The following DDX42 variants were observed in gnomAD, a reference collection of about 807,000 sequenced individuals.
The protein encoded by DDX42 is DEAD-box helicase 42.
In DDX42, 22 loss-of-function variants were observed where a neutral mutation model predicts 101.5. The ratio of observed to expected loss-of-function variants is 0.22; its 90% confidence interval spans 0.15 to 0.31. DDX42 has a LOEUF of 0.31. DDX42 is among the 10% of genes least tolerant of loss of function. The pLI is 1.00. For synonymous variants in DDX42, 402 were observed against 401.2 expected (o/e 1.00, Z -0.02); for missense variants, 849 against 1,199.9 (o/e 0.71, Z 4.32).
intron 16 of DDX42, 66 bp from the exon 17 acceptor site, chr17:63,816,802 C>T (rs2039981635): frequency 7.7e-7 from 1 of 1,294,664 alleles, no homozygotes; most frequent in Admixed American, 2.2e-5. Flanking sequence ...CATAATGAGG[C>T]CTAGTCTATA....
At chr17:63,781,506 C>T (rs1228425736) in intron 1 of DDX42, among the ~76,000 whole-genome samples, 2 of 152,204 alleles carry the variant, frequency 1.3e-5, no homozygotes, top group African/African-American at 2.4e-5. Context: ...CGTGAGCCAC[C>T]GTGCCTGGCA....
At chr17:63,808,978 T>C (rs750949486) in intron 10 of DDX42, 30 bp downstream of exon 10, 2 of 1,606,004 alleles carry the variant, frequency 1.2e-6, no homozygotes, top group Non-Finnish European at 1.7e-6. Flanking sequence ...AAATGGCTTC[T>C]CAGCCTCCCT....
At chr17:63,789,322 A>G (rs1222377264) in intron 2 of DDX42, among the ~76,000 whole-genome samples, 4 of 150,744 alleles carry the variant, frequency 2.7e-5, no homozygotes, top group Non-Finnish European at 5.9e-5. Flanking sequence ...CAGGTGATCC[A>G]CCCGCCTCAG....
In DDX42 at chr17:63,809,733, G is replaced by GT. The variant is rs951710528; in HGVS notation, c.1252+80dup. 90 of 1,241,940 alleles carry GT rather than the reference G, an allele frequency of 7.2e-5. 1 individual carries two copies. In the South Asian group the frequency reaches 8.7e-4, roughly 12 times the overall value. The allele number at this position is 1,241,940 out of a possible 1,614,324, so 76.9% of individuals were successfully genotyped here. A position where few individuals can be genotyped will look rare whatever the true frequency, so the allele number is the denominator to read the frequency against. On this transcript the variant is annotated intron_variant, in intron 11 of 17. Coordinates refer to ENST00000389924, the MANE Select transcript of DDX42 (RefSeq NM_203499.3). The stretch of plus-strand genomic sequence containing the variant: ...TTTTTTTTCCATGTCTTTCTAGACT[G>GT]TTTTTTCAGCATGAGAGAAGCTAAA...
chr17:63,817,844 C>A lies in DDX42; in HGVS notation c.2263C>A (p.Pro755Thr). ...AQQGHNSPDS[P>T]VTSAAKGIPG... ...ACAGGGCCATAACAGTCCTGACAGC[C>A]CCGTCACCAGTGCCGCCAAGGGCAT... is the stretch of plus-strand genomic sequence containing the variant. Residue 755 changes from proline to threonine, a missense_variant, in exon 18 of 18, where the codon CCC (proline) becomes ACC (threonine). Pro to Thr is a conservative substitution (Grantham distance 38, BLOSUM62 -1). This residue lies in a region of DDX42 where 300 missense variants were observed against 304.9 expected (regional missense o/e 0.98). Transcript: ENST00000389924. 1.2e-6 allele frequency: 2 copies of A among 1,614,154 alleles called. No individual in the cohort carries two copies.
At chr17:63,811,739 T>A (rs2039912685) in intron 13 of DDX42, 193 bp from the exon 14 acceptor site, 1 of 695,158 alleles carries the variant, frequency 1.4e-6, no homozygotes, top group Non-Finnish European at 2.5e-6. Context: ...ATTAGGTATG[T>A]ACACCAGGTG....
At chr17:63,810,871 C>T (rs1386362628) in intron 12 of DDX42, among the ~76,000 whole-genome samples, 1 of 152,102 alleles carries the variant, frequency 6.6e-6, no homozygotes, top group Non-Finnish European at 1.5e-5. Context: ...TTTTCTGAAC[C>T]ATACTGACAA....
chr17:63,809,429 G>GTGGC, intron 10 of DDX42, 131 bp from the exon 11 acceptor site: 1 of 668,522 alleles, frequency 1.5e-6, no homozygotes, highest in Non-Finnish European at 2.6e-6. Context: ...CATAAGGTAT[G>GTGGC]TGGCTGTTGG....
intron 11 of DDX42, 86 bp from the exon 12 acceptor site, chr17:63,810,427 A>T (rs2039895946): frequency 1.4e-6 from 2 of 1,404,840 alleles, no homozygotes; most frequent in Non-Finnish European, 2.0e-6. Context: ...ACAACTTCTT[A>T]TGAAGACTTT....
At chr17:63,786,581 T>C (rs1475394681) in intron 1 of DDX42, among the ~76,000 whole-genome samples, 1 of 152,210 alleles carries the variant, frequency 6.6e-6, no homozygotes, top group East Asian at 1.9e-4. Flanking sequence ...TGGGCCACTC[T>C]CCTGACTACA....
chr17:63,806,775 G>T (rs1598338818), intron 8 of DDX42, 121 bp downstream of exon 8: 2 of 1,090,672 alleles, frequency 1.8e-6, no homozygotes, highest in Non-Finnish European at 1.2e-6. Context: ...TAAGGATAGA[G>T]GTATTTATCA....
intron 3 of DDX42, among the ~76,000 whole-genome samples, chr17:63,796,115 C>T (rs1417471894): frequency 1.3e-5 from 2 of 152,132 alleles, no homozygotes; most frequent in Admixed American, 6.5e-5. Flanking sequence ...TCTTGAGATA[C>T]GAACATTTCC....
At chr17:63,802,747 C>G (rs1324094499) in intron 6 of DDX42, among the ~76,000 whole-genome samples, 1 of 151,824 alleles carries the variant, frequency 6.6e-6, no homozygotes, top group Admixed American at 6.6e-5. Flanking sequence ...CCCATCTCTA[C>G]TAAAAATACA....
chr17:63,803,428 A>G (rs1022304183), intron 6 of DDX42, among the ~76,000 whole-genome samples: 2 of 151,546 alleles, frequency 1.3e-5, no homozygotes, highest in Non-Finnish European at 2.9e-5. Flanking sequence ...CGTCTTTGGG[A>G]TTGGTGGCAG....
chr17:63,809,433 C>T, intron 10 of DDX42, 127 bp from the exon 11 acceptor site: 4 of 684,174 alleles, frequency 5.8e-6, no homozygotes, highest in Non-Finnish European at 1.0e-5. Context: ...AGGTATGTGG[C>T]TGTTGGACCA....
chr17:63,814,798 T>G (rs1012087833), intron 15 of DDX42, among the ~76,000 whole-genome samples: 12 of 149,038 alleles, frequency 8.1e-5, no homozygotes, highest in Middle Eastern at 3.4e-3. Context: ...CAAACAGTTC[T>G]CCTGCCTCAG....
At chr17:63,793,856 T>TTATATATATATA (rs138103837) in intron 3 of DDX42, among the ~76,000 whole-genome samples, 1 of 70,682 alleles carries the variant, frequency 1.4e-5, no homozygotes, top group African/African-American at 8.1e-5. Flanking sequence ...GCAGAAAAAT[T>TTATATATATATA]TATATATATA....
chr17:63,800,715 C>A (rs2039752353), intron 6 of DDX42, 98 bp downstream of exon 6: 6 of 1,428,518 alleles, frequency 4.2e-6, no homozygotes, highest in Non-Finnish European at 4.8e-6. Context: ...ACTCTTACAT[C>A]ATGAGCGTAT....
intron 1 of DDX42, among the ~76,000 whole-genome samples, chr17:63,785,423 C>G (rs2039535119): frequency 6.6e-6 from 1 of 151,478 alleles, no homozygotes; most frequent in African/African-American, 2.4e-5. Context: ...GCACTCCAGC[C>G]TGGGTGACAG....
Sources: gnomAD v4.1 joint callset for allele counts (sites outside exome capture counted in the v4.1 genomes callset) on GRCh38, gnomAD v4.1.1 for gene constraint, gnomAD v4.1.1 regional missense constraint, MANE v1.5 for transcripts, NCBI Gene and HGNC (gene_info 2026-07-23, HGNC 2026-07-21) for gene names.